Variants in RLN1 observed in about 807,000 individuals in gnomAD.
The protein encoded by RLN1 is relaxin 1.
RLN1 carries 4 observed loss-of-function variants against 7.2 expected under a neutral mutation model. The ratio of observed to expected loss-of-function variants is 0.56; its 90% CI spans 0.28 to 1.28. The LOEUF (loss-of-function observed/expected upper bound fraction) is 1.28, where lower values mean the gene tolerates loss of function less well. RLN1 is among the 50% of genes most tolerant of loss of function. The probability of loss-of-function intolerance (pLI) is 0.11; values close to 1 mark genes in which losing one functional copy is unlikely to be tolerated. For missense variants in RLN1, 293 were observed against 221.1 expected, an observed-to-expected ratio of 1.32 and a Z score of -2.06; for synonymous variants, 105 against 86.0, an observed-to-expected ratio of 1.22 and a Z score of -1.22.
intron 1 of RLN1, among the ~76,000 whole-genome samples, chr9:5,337,657 A>G (rs1316071957): frequency 6.6e-6 from 1 of 152,034 alleles, no homozygotes; most frequent in African/African-American, 2.4e-5. Flanking sequence ...AATTACTGAC[A>G]TGTACTTCCA....
upstream of RLN1, among the ~76,000 whole-genome samples, chr9:5,340,326 A>T (rs1816966376): frequency 6.6e-6 from 1 of 152,200 alleles, no homozygotes; most frequent in Admixed American, 6.5e-5. Flanking sequence ...TTTAATCTGA[A>T]TCCAGGTAAA....
rs529071509 is a variant in RLN1 at position 5,336,796 on chromosome 9, A to G, written c.212-1199T>C. ...GAAATAATGAAAAGAAAGAGAAGAG[A>G]GGAGTAAATCTAAGTGCGGGAGGCA... On this transcript the variant is annotated intron_variant, in intron 1 of 1. Transcript: ENST00000223862. Among the ~76,000 whole-genome samples, 146 of 152,064 alleles carry G rather than the reference A, an allele frequency of 9.6e-4. 1 individual carries two copies. Among genetic ancestry groups the G allele is most frequent in the Non-Finnish European group, 1.5e-3 (104 of 67,994 alleles).
chr9:5,337,762 G>T (rs575718402), intron 1 of RLN1, among the ~76,000 whole-genome samples: 30 of 152,052 alleles, frequency 2.0e-4, no homozygotes, highest in South Asian at 6.2e-4. Flanking sequence ...ATACTGCATA[G>T]CAATAAAGAA....
At chr9:5,337,842 T>C (rs76430768) in intron 1 of RLN1, among the ~76,000 whole-genome samples, 1,762 of 152,162 alleles carry the variant, frequency 0.012, 26 homozygotes, top group Non-Finnish European at 0.017. Context: ...AATATCTATA[T>C]ACAAATGTGA....
At position 5,339,670 on chromosome 9, in the gene RLN1, T is replaced by C. The variant is rs369616777; in HGVS notation, c.77A>G (p.Lys26Arg). The change falls in exon 1 of 2, where the codon AAA becomes AGA. Residue 26 changes from lysine (K) to arginine (R), a missense_variant. Lys to Arg is a conservative substitution (Grantham distance 26). Transcript: ENST00000223862. ...TAATTTAATAACATCGTCCTTCCAT[T>C]TGGCCGCGACTGCTCTGGAAAATTG... is the stretch of plus-strand genomic sequence containing the variant. ...LNQFSRAVAA[K>R]WKDDVIKLCG... The C allele has an allele frequency of 2.9e-5, 46 of 1,611,190 alleles. No homozygotes were observed. The East Asian group carries it at 4.7e-4, about 16-fold the overall frequency.
At chr9:5,335,736 C>G (rs1324339459) in intron 1 of RLN1, 139 bp from the exon 2 acceptor site, 1 of 623,016 alleles carries the variant, frequency 1.6e-6, no homozygotes, top group African/African-American at 1.8e-5. Flanking sequence ...CAAAAGCATC[C>G]TAATATCTAA....
At chr9:5,336,225 T>C (rs1816889924) in intron 1 of RLN1, among the ~76,000 whole-genome samples, 1 of 152,078 alleles carries the variant, frequency 6.6e-6, no homozygotes, top group African/African-American at 2.4e-5. Context: ...AATAGTATTT[T>C]ATATGAAAGA....
upstream of RLN1, chr9:5,339,886 G>C: frequency 1.3e-6 from 1 of 796,256 alleles, no homozygotes; most frequent in Non-Finnish European, 2.0e-6. Flanking sequence ...TCTTTAGTAT[G>C]GGCTATCACT....
intron 1 of RLN1, among the ~76,000 whole-genome samples, chr9:5,336,366 T>C (rs1450677732): frequency 6.6e-6 from 1 of 152,036 alleles, no homozygotes; most frequent in Non-Finnish European, 1.5e-5. Flanking sequence ...TCATGCACTA[T>C]GCAAGATCTG....
upstream of RLN1, among the ~76,000 whole-genome samples, chr9:5,340,685 G>A (rs1299145275): frequency 6.6e-6 from 1 of 152,156 alleles, no homozygotes; most frequent in African/African-American, 2.4e-5. Context: ...CCTGGTTAGA[G>A]GTGATTCTTT....
intron 1 of RLN1, 87 bp from the exon 2 acceptor site, chr9:5,335,684 G>A (rs1250508823): frequency 1.3e-6 from 1 of 777,412 alleles, no homozygotes; most frequent in South Asian, 1.8e-5. Flanking sequence ...CATACACAAA[G>A]AAAAGAAAGC....
upstream of RLN1, among the ~76,000 whole-genome samples, chr9:5,340,523 C>G (rs1293451754): frequency 2.6e-5 from 4 of 151,360 alleles, no homozygotes; most frequent in Non-Finnish European, 4.4e-5. Context: ...ACCACACACA[C>G]AGAGAGAGAG....
intron 1 of RLN1, among the ~76,000 whole-genome samples, chr9:5,336,031 C>T (rs893904903): frequency 2.6e-5 from 4 of 151,982 alleles, no homozygotes; most frequent in African/African-American, 9.7e-5. Context: ...GTAGTAACAA[C>T]GCTTGAAAAA....
In RLN1 at chr9:5,335,558, A is replaced by G; in HGVS notation, c.251T>C (p.Ile84Thr). The G allele has an allele frequency of 6.2e-7, 1 of 1,611,634 alleles. No homozygotes were observed. The highest frequency in any genetic ancestry group is 8.5e-7 in the Non-Finnish European group (1 of 1,178,796). The change falls in exon 2 of 2, where the codon ATA becomes ACA. Residue 84 changes from isoleucine to threonine, a missense_variant. Transcript: ENST00000223862. ...PSFINKDTET[I>T]IIMLEFIANL... ...AGCAATGAATTCCAACATGATAATTATAGTTTCTGTATCTTTGTTGATGAA... is the reference window on the plus strand; with the variant it reads ...AGCAATGAATTCCAACATGATAATTGTAGTTTCTGTATCTTTGTTGATGAA...
In RLN1 at chr9:5,335,170, T is replaced by C. The variant is rs570288055; in HGVS notation, c.*81A>G. ...AGATTTCTTATATTCTAATAATTAG[T>C]GGGACCTGACAGAAGCATCAGTGAA... is the stretch of plus-strand genomic sequence containing the variant. On this transcript the variant is annotated 3_prime_UTR_variant, in exon 2 of 2. Coordinates refer to ENST00000223862, the MANE Select transcript of RLN1 (RefSeq NM_006911.4). 2 of 741,510 alleles carry C rather than the reference T, an allele frequency of 2.7e-6. No individual in the cohort carries two copies. The highest frequency in any genetic ancestry group is 5.4e-5 in the East Asian group (2 of 36,934). The allele number at this position is 741,510 out of a possible 1,614,324, so 45.9% of individuals were successfully genotyped here.
intron 1 of RLN1, 149 bp downstream of exon 1, chr9:5,339,387 T>C (rs534458238): frequency 3.0e-5 from 17 of 567,566 alleles, no homozygotes; most frequent in Middle Eastern, 8.7e-4. Flanking sequence ...GCCCAAACTT[T>C]AGGGACCAGC....
rs1031434869 is a variant in RLN1, at chr9:5,335,617, A to T, written c.212-20T>A. ...CAATTTCTGTTAAGTTTAAAAAAAAAGTGTATGTGAAGGCGTATTCACGTC... is the reference window on the plus strand; with the variant it reads ...CAATTTCTGTTAAGTTTAAAAAAAATGTGTATGTGAAGGCGTATTCACGTC... On this transcript the variant is annotated intron_variant, in intron 1 of 1. Transcript: ENST00000223862. 4 of 1,526,484 alleles carry T rather than the reference A, an allele frequency of 2.6e-6. No individual in the cohort carries two copies. The African/African-American group carries it at 5.5e-5, about 21-fold the overall frequency. 94.6% of individuals were successfully genotyped at this position (1,526,484 alleles called of 1,614,324 possible). A position where few individuals can be genotyped will look rare whatever the true frequency, so the allele number is the denominator to read the frequency against.
At chr9:5,339,181 G>C in intron 1 of RLN1, 2 of 196,042 alleles carry the variant, frequency 1.0e-5, no homozygotes, top group Non-Finnish European at 1.8e-5. Context: ...GAGTGCGCCC[G>C]GCCTCCTGCG....
At position 5,339,786 on chromosome 9, in the gene RLN1, C is replaced by A; in HGVS notation, c.-40G>T. 6.2e-7 allele frequency: 1 copy of A among 1,603,576 alleles called. No homozygotes were observed. The highest frequency in any genetic ancestry group is 8.5e-7 in the Non-Finnish European group (1 of 1,171,552). ...CTCCTGGAGGTCTGGGTGTTGCAGC[C>A]TTTCAGGACTGCGGCTGCTGTGGCC... On this transcript the variant is annotated 5_prime_UTR_variant, in exon 1 of 2. The change creates a new upstream start codon in the 5' untranslated region. Transcript: ENST00000223862.
Sources: gnomAD v4.1 joint callset for allele counts (sites outside exome capture counted in the v4.1 genomes callset) on GRCh38, gnomAD v4.1.1 for gene constraint, MANE v1.5 for transcripts, NCBI Gene and HGNC (gene_info 2026-07-23, HGNC 2026-07-21) for gene names.